The following EIF5A variants were observed in gnomAD, a reference collection of about 807,000 sequenced individuals.
EIF5A encodes eukaryotic translation initiation factor 5A-1.
EIF5A carries 1 observed loss-of-function variant against 16.6 expected under a neutral mutation model. That is an observed-to-expected ratio of 0.06 (90% CI 0.02 to 0.28). The LOEUF (loss-of-function observed/expected upper bound fraction) is 0.28. EIF5A is among the 10% of genes least tolerant of loss of function. EIF5A has a pLI of 1.00. For synonymous variants in EIF5A, 80 were observed against 73.6 expected (o/e 1.09, Z -0.44); for missense variants, 29 against 196.1 (o/e 0.15, Z 5.09).
At chr17:7,307,156 T>G (rs559993212), upstream of EIF5A, 2 of 1,548,308 alleles carry the variant, frequency 1.3e-6, no homozygotes, top group South Asian at 2.4e-5. Flanking sequence ...GTGGGGCGTA[T>G]CCTGAGACGC....
chr17:7,307,729 G>T lies in EIF5A; in HGVS notation c.-45G>T. ...GTTGGGCTCGCGGCGAGCGGACGGG[G>T]TCGAGTCAGTGCGTTCGCGCGAGGT... is the stretch of plus-strand genomic sequence containing the variant. On this transcript the variant is annotated 5_prime_UTR_variant, in exon 1 of 6. Transcript: ENST00000336458. 9.7e-7 allele frequency: 1 copy of T among 1,033,094 alleles called. No homozygotes were observed. Among genetic ancestry groups the T allele is most frequent in the Non-Finnish European group, 1.2e-6 (1 of 861,474 alleles). 64.0% of individuals were successfully genotyped at this position (1,033,094 alleles called of 1,614,324 possible).
chr17:7,308,666 A>T (rs1373887608), intron 1 of EIF5A: 14 of 1,185,074 alleles, frequency 1.2e-5, no homozygotes, highest in African/African-American at 4.7e-5. Context: ...GCCTGGGTGG[A>T]CAGCGCCTAA....
In EIF5A at chr17:7,308,680, C is replaced by T. The variant is rs1018350356; in HGVS notation, c.-22+928C>T. The T allele has an allele frequency of 2.5e-4, 257 of 1,029,980 alleles. 2 individuals carry two copies. Among genetic ancestry groups the T allele is most frequent in the Non-Finnish European group, 1.5e-4 (115 of 766,616 alleles). The allele number at this position is 1,029,980 out of a possible 1,614,324, so 63.8% of individuals were successfully genotyped here. A position where few individuals can be genotyped will look rare whatever the true frequency, so the allele number is the denominator to read the frequency against. Reference sequence around the variant, plus strand: ...GGCCTGGGTGGACAGCGCCTAAAAGCCTCAGGCAGATGAGTTTCCCACCGT... The same window carrying T: ...GGCCTGGGTGGACAGCGCCTAAAAGTCTCAGGCAGATGAGTTTCCCACCGT... On this transcript the variant is annotated intron_variant, in intron 1 of 5. Coordinates refer to ENST00000336458, the MANE Select transcript of EIF5A (RefSeq NM_001970.5).
At chr17:7,308,586 C>A (rs761753703) in intron 1 of EIF5A, 1 of 1,333,996 alleles carries the variant, frequency 7.5e-7, no homozygotes, top group South Asian at 1.1e-5. Flanking sequence ...GTAAGTGGCA[C>A]CCCTTCGAGC....
At chr17:7,307,359 A>G, upstream of EIF5A, 2 of 1,238,312 alleles carry the variant, frequency 1.6e-6, no homozygotes, top group Non-Finnish European at 2.0e-6. Context: ...CGGTAGGACG[A>G]GCGGTCTATC....
At chr17:7,311,702 C>G in intron 5 of EIF5A, 51 bp downstream of exon 5, 2 of 1,608,578 alleles carry the variant, frequency 1.2e-6, no homozygotes, top group Middle Eastern at 1.9e-4. Flanking sequence ...TTGTCCTCAG[C>G]AGAGCTGCTG....
At chr17:7,310,746 TTATC>T in intron 2 of EIF5A, 2 of 985,444 alleles carry the variant, frequency 2.0e-6, no homozygotes, top group East Asian at 1.1e-4. Context: ...TCTTAGCATC[TTATC>T]TTTTATCAAG....
intron 2 of EIF5A, 65 bp from the exon 3 acceptor site, chr17:7,310,950 CAAT>C: frequency 6.5e-7 from 1 of 1,533,930 alleles, no homozygotes; most frequent in South Asian, 1.2e-5. Context: ...CAGGCAAGGT[CAAT>C]TTGAGCCTTT....
chr17:7,308,576 G>C (rs1265281205), intron 1 of EIF5A: 2 of 1,350,198 alleles, frequency 1.5e-6, no homozygotes, highest in Non-Finnish European at 2.0e-6. Flanking sequence ...TCAGCCAGGT[G>C]TAAGTGGCAC....
intron 1 of EIF5A, chr17:7,308,681 C>T: frequency 9.8e-7 from 1 of 1,024,264 alleles, no homozygotes. Flanking sequence ...GCCTAAAAGC[C>T]TCAGGCAGAT....
intron 1 of EIF5A, among the ~76,000 whole-genome samples, chr17:7,309,188 C>G (rs182312050): frequency 5.3e-5 from 8 of 151,968 alleles, no homozygotes; most frequent in African/African-American, 1.9e-4. Flanking sequence ...ACCCTCCCCC[C>G]CCCCAATTAG....
At chr17:7,307,285 C>A, upstream of EIF5A, 1 of 1,171,756 alleles carries the variant, frequency 8.5e-7, no homozygotes, top group Non-Finnish European at 1.1e-6. Flanking sequence ...GTTCTGAGAC[C>A]CAGGCGTTTC....
At position 7,311,968 on chromosome 17, in the gene EIF5A, T is replaced by A. The variant is rs1250486726; in HGVS notation, c.*158T>A. 2.8e-5 allele frequency: 12 copies of A among 424,728 alleles called. No individual in the cohort carries two copies. The highest frequency in any genetic ancestry group is 5.4e-5 in the Non-Finnish European group (12 of 222,886). The allele number at this position is 424,728 out of a possible 1,614,324, so 26.3% of individuals were successfully genotyped here. ...TGGTTTTCCCCACCCCCTCAATCTG[T>A]CGGGGAGCCCCTGCCCTTCACCTAG... On this transcript the variant is annotated 3_prime_UTR_variant, in exon 6 of 6. Transcript: ENST00000336458.
At chr17:7,308,476 CG>C (rs1309790382) in intron 1 of EIF5A, 1 of 1,348,478 alleles carries the variant, frequency 7.4e-7, no homozygotes, top group Non-Finnish European at 9.8e-7. Flanking sequence ...CTAATCACCC[CG>C]GAGGGCCTGC....
Position 7,311,893 on chromosome 17 carries a change from C to G in EIF5A, c.*83C>G. 1 of 618,418 alleles carries G rather than the reference C, an allele frequency of 1.6e-6. No individual in the cohort carries two copies. Among genetic ancestry groups the G allele is most frequent in the Non-Finnish European group, 2.9e-6 (1 of 344,190 alleles). 38.3% of individuals were successfully genotyped at this position (618,418 alleles called of 1,614,324 possible). A position where few individuals can be genotyped will look rare whatever the true frequency, so the allele number is the denominator to read the frequency against. ...CTCCCCGAGCCTGGCCTGGCTCTGG[C>G]CCGGTCCTAAGCTGGACTCCTCCTA... On this transcript the variant is annotated 3_prime_UTR_variant, in exon 6 of 6. Coordinates refer to ENST00000336458, the MANE Select transcript of EIF5A (RefSeq NM_001970.5).
At chr17:7,310,749 T>A in intron 2 of EIF5A, 15 of 985,448 alleles carry the variant, frequency 1.5e-5, no homozygotes, top group Non-Finnish European at 1.8e-5. Context: ...TAGCATCTTA[T>A]CTTTTATCAA....
chr17:7,311,787 TTA>T, intron 5 of EIF5A, 33 bp from the exon 6 acceptor site: 1 of 1,165,468 alleles, frequency 8.6e-7, no homozygotes, highest in South Asian at 1.5e-5. Flanking sequence ...GTTGAAGGTA[TTA>T]TCCTGTCTTA....
upstream of EIF5A, chr17:7,307,301 G>T: frequency 8.4e-7 from 1 of 1,191,498 alleles, no homozygotes; most frequent in Admixed American, 3.2e-5. Flanking sequence ...GTTTCCTTTA[G>T]AGGGTGTGGA....
upstream of EIF5A, chr17:7,307,362 G>A (rs971956790): frequency 8.9e-6 from 11 of 1,236,210 alleles, no homozygotes; most frequent in Non-Finnish European, 1.1e-5. Flanking sequence ...TAGGACGAGC[G>A]GTCTATCAAG....
Sources: gnomAD v4.1 joint callset for allele counts (sites outside exome capture counted in the v4.1 genomes callset) on GRCh38, gnomAD v4.1.1 for gene constraint, MANE v1.5 for transcripts, NCBI Gene and HGNC (gene_info 2026-07-23, HGNC 2026-07-21) for gene names.